The following SMAP2 variants were observed in gnomAD, a reference collection of about 807,000 sequenced individuals.
SMAP2 encodes stromal membrane-associated protein 2.
A neutral mutation model predicts 56.4 loss-of-function variants in SMAP2; 25 were observed. The ratio of observed to expected loss-of-function variants is 0.44; its 90% CI spans 0.32 to 0.62. The LOEUF (loss-of-function observed/expected upper bound fraction) is 0.62. Among genes scored for constraint, SMAP2 ranks in the 20% least tolerant of loss-of-function variants. The pLI, the probability that SMAP2 is intolerant of heterozygous loss-of-function variation, is 0.04. For missense variants in SMAP2, 388 were observed against 545.6 expected, an observed-to-expected ratio of 0.71 and a Z score of 2.88; for synonymous variants, 157 against 181.7, an observed-to-expected ratio of 0.86 and a Z score of 1.09.
At position 40,408,513 on chromosome 1, in the gene SMAP2, T is replaced by C. The variant is rs903035653; in HGVS notation, c.238-140T>C. 2.8e-5 allele frequency: 17 copies of C among 608,340 alleles called. No individual in the cohort carries two copies. The highest frequency in any genetic ancestry group is 1.9e-4 in the Admixed American group (6 of 32,050). The allele number at this position is 608,340 out of a possible 1,614,324, so 37.7% of individuals were successfully genotyped here. On this transcript the variant is annotated intron_variant, in intron 2 of 9. Transcript: ENST00000372718. The surrounding 1 kb of genome is among the most constrained non-coding windows in gnomAD (Gnocchi z 4.3). ...GGTAGAGGGAATCATGAATTGGAAATCAGAATACACAAGTTTAAATGTTGG... is the reference window on the plus strand; with the variant it reads ...GGTAGAGGGAATCATGAATTGGAAACCAGAATACACAAGTTTAAATGTTGG...
intron 1 of SMAP2, among the ~76,000 whole-genome samples, chr1:40,360,251 C>G (rs1429658958): frequency 6.6e-6 from 1 of 151,242 alleles, no homozygotes; most frequent in African/African-American, 2.4e-5. Flanking sequence ...CATGATCCGC[C>G]TGCCTCGGCC....
At chr1:40,375,759 A>C (rs552378260) in intron 1 of SMAP2, 1,006 of 983,992 alleles carry the variant, frequency 1.0e-3, no homozygotes, top group Non-Finnish European at 1.2e-3. Context: ...CTTGAGTCAC[A>C]GTGAAGCAAC....
intron 6 of SMAP2, 112 bp downstream of exon 6, chr1:40,414,352 C>T: frequency 1.1e-6 from 1 of 922,236 alleles, no homozygotes; most frequent in Non-Finnish European, 1.7e-6. Context: ...ATTGCCAAGA[C>T]TGTTCTCTCA....
At chr1:40,420,183 T>C (rs2124384602) in intron 9 of SMAP2, among the ~76,000 whole-genome samples, 1 of 152,376 alleles carries the variant, frequency 6.6e-6, no homozygotes, top group African/African-American at 2.4e-5. Context: ...TTTTCCGTTT[T>C]CTACCTCAAT....
chr1:40,409,730 G>A, intron 3 of SMAP2, 27 bp from the exon 4 acceptor site: 3 of 1,487,800 alleles, frequency 2.0e-6, no homozygotes, highest in South Asian at 1.1e-5. Context: ...AGGCTTGTTG[G>A]ATTCATCCTT....
intron 2 of SMAP2, among the ~76,000 whole-genome samples, chr1:40,363,203 A>T (rs1311479680): frequency 2.0e-5 from 3 of 152,196 alleles, no homozygotes; most frequent in African/African-American, 7.2e-5. Flanking sequence ...TAACTATACT[A>T]GGAAAATGTG....
intron 1 of SMAP2, among the ~76,000 whole-genome samples, chr1:40,359,756 G>A (rs1327268796): frequency 1.3e-5 from 2 of 152,040 alleles, no homozygotes; most frequent in South Asian, 2.1e-4. Flanking sequence ...TTAAACTGAT[G>A]ACAACTTAAC....
chr1:40,422,047 T>C lies in SMAP2; in HGVS notation c.1236T>C (p.Ser412=). The C allele has an allele frequency of 6.2e-7, 1 of 1,614,072 alleles. No individual in the cohort carries two copies. Among genetic ancestry groups the C allele is most frequent in the Non-Finnish European group, 8.5e-7 (1 of 1,179,984 alleles). ...TGATGAACTATGGACAGTCAATGAG[T>C]GGCGGAAATGGACAGGCAGCAAATC... The part of the protein sequence containing the change: ...NGMMNYGQSM[S]GGNGQAANQT... Residue 412 remains serine (S), a synonymous_variant, in exon 10 of 10, where the codon AGT becomes AGC. Coordinates refer to ENST00000372718, the MANE Select transcript of SMAP2 (RefSeq NM_022733.3).
At chr1:40,417,599 G>A (rs1645002602) in intron 9 of SMAP2, among the ~76,000 whole-genome samples, 1 of 152,144 alleles carries the variant, frequency 6.6e-6, no homozygotes, top group South Asian at 2.1e-4. Context: ...AAGACATACT[G>A]AGAACAGGTC....
At chr1:40,412,015 A>C (rs1644940727) in intron 4 of SMAP2, among the ~76,000 whole-genome samples, 1 of 152,074 alleles carries the variant, frequency 6.6e-6, no homozygotes, top group African/African-American at 2.4e-5. Context: ...TTGCTTATAT[A>C]GTGTTTATAA....
At position 40,413,265 on chromosome 1, in the gene SMAP2, GT is replaced by G. The variant is rs201652637; in HGVS notation, c.489+165del. Reference sequence around the variant, plus strand: ...TGCCTGCTATCATTTCTGCTCTCTCGTTACCAGTTGCTGCCTAAATCTGCTC... The same window carrying G: ...TGCCTGCTATCATTTCTGCTCTCTCGTACCAGTTGCTGCCTAAATCTGCTC... On this transcript the variant is annotated intron_variant, in intron 5 of 9. Coordinates refer to ENST00000372718, the MANE Select transcript of SMAP2 (RefSeq NM_022733.3). Among the ~76,000 whole-genome samples the G allele has an allele frequency of 3.5e-3, 536 of 152,250 alleles. 6 individuals carry two copies. The highest frequency in any genetic ancestry group is 0.012 in the African/African-American group (487 of 41,536).
At chr1:40,362,887 C>T (rs779244608) in intron 2 of SMAP2, among the ~76,000 whole-genome samples, 9 of 152,112 alleles carry the variant, frequency 5.9e-5, no homozygotes, top group Non-Finnish European at 1.2e-4. Context: ...CAGGCCTCCT[C>T]CAGCTTGGAG....
rs563466634 is a variant in SMAP2 at position 40,393,385 on chromosome 1, T to C, written c.104-13351T>C. On this transcript the variant is annotated intron_variant, in intron 1 of 9. Transcript: ENST00000372718. Reference sequence around the variant, plus strand: ...CAGCAGGAGAGGCAGCAGAGCGCCGTGGGAGTTGGAATAGGAAGGAGAAAA... The same window carrying C: ...CAGCAGGAGAGGCAGCAGAGCGCCGCGGGAGTTGGAATAGGAAGGAGAAAA... The C allele has an allele frequency of 1.4e-5, 22 of 1,535,404 alleles. No individual in the cohort carries two copies. In the South Asian group the frequency reaches 2.6e-4, roughly 18 times the overall value.
chr1:40,409,875 A>G (rs769094955), intron 4 of SMAP2, 40 bp downstream of exon 4: 1 of 1,258,854 alleles, frequency 7.9e-7, no homozygotes, highest in South Asian at 1.2e-5. Flanking sequence ...ACAATAAGTA[A>G]TGTGCTTATT....
chr1:40,358,845 T>C (rs958700195), intron 1 of SMAP2, among the ~76,000 whole-genome samples: 2 of 152,204 alleles, frequency 1.3e-5, no homozygotes, highest in African/African-American at 4.8e-5. Context: ...TATTAATGTA[T>C]TGGGGTCTAT....
intron 1 of SMAP2, among the ~76,000 whole-genome samples, chr1:40,382,076 T>C (rs1644604742): frequency 6.6e-6 from 1 of 152,198 alleles, no homozygotes; most frequent in Non-Finnish European, 1.5e-5. Context: ...TCAGTATATA[T>C]ACTTTTCAGC....
intron 1 of SMAP2, among the ~76,000 whole-genome samples, chr1:40,380,588 G>A (rs1199700023): frequency 6.7e-6 from 1 of 149,470 alleles, no homozygotes; most frequent in Non-Finnish European, 1.5e-5. Context: ...GGAGTGCAGT[G>A]GTGTGGTCTT....
Position 40,386,577 on chromosome 1 carries a change from A to G in SMAP2, c.103+12354A>G, listed in dbSNP as rs1038656858. Among the ~76,000 whole-genome samples the G allele has an allele frequency of 6.6e-6, 1 of 152,214 alleles. No individual in the cohort carries two copies. Among genetic ancestry groups the G allele is most frequent in the Admixed American group, 6.5e-5 (1 of 15,280 alleles). On this transcript the variant is annotated intron_variant, in intron 1 of 9. Coordinates refer to ENST00000372718, the MANE Select transcript of SMAP2 (RefSeq NM_022733.3). This position sits in a 1 kb window ranked among gnomAD's most constrained non-coding sequence, Gnocchi z 4.1. ...CAGATCAAGGGTCCATATTACGGGCAGAGTAAAAATAGGTCCCAGTTTCAT... is the reference window on the plus strand; with the variant it reads ...CAGATCAAGGGTCCATATTACGGGCGGAGTAAAAATAGGTCCCAGTTTCAT...
rs1644996380 is a variant in SMAP2 at position 40,417,104 on chromosome 1, AC to A, written c.1164+12del. 2.5e-6 allele frequency: 4 copies of A among 1,584,694 alleles called. No individual in the cohort carries two copies. The highest frequency in any genetic ancestry group is 3.5e-6 in the Non-Finnish European group (4 of 1,158,240). ...CAATGGAACCTTACTCAGGTAAGCT[AC>A]CCCATTTTACTTGCAGCAAGAGTTT... is the stretch of plus-strand genomic sequence containing the variant. On this transcript the variant is annotated intron_variant, in intron 9 of 9. Transcript: ENST00000372718.
Sources: gnomAD v4.1 joint callset for allele counts (sites outside exome capture counted in the v4.1 genomes callset) on GRCh38, gnomAD v4.1.1 for gene constraint, Gnocchi (gnomAD v3.1) non-coding constraint, MANE v1.5 for transcripts, NCBI Gene and HGNC (gene_info 2026-07-23, HGNC 2026-07-21) for gene names.